CYP4F22: variants seen among roughly 807,000 people sequenced by gnomAD.
CYP4F22 encodes ultra-long-chain fatty acid omega-hydroxylase.
A neutral mutation model predicts 60.4 loss-of-function variants in CYP4F22; 37 were observed. The ratio of observed to expected loss-of-function variants is 0.61; its 90% confidence interval spans 0.47 to 0.81. The LOEUF is 0.81. Ranked by LOEUF, CYP4F22 falls within the 30% of genes least tolerant of loss-of-function variation. The pLI is 0.00. For missense variants in CYP4F22, 655 were observed against 715.0 expected, an observed-to-expected ratio of 0.92 and a Z score of 0.96; for synonymous variants, 258 against 280.5, an observed-to-expected ratio of 0.92 and a Z score of 0.80.
In CYP4F22 at chr19:15,525,576, G is replaced by A; in HGVS notation, c.222+18G>A. The A allele has an allele frequency of 1.2e-6, 2 of 1,602,552 alleles. No individual in the cohort carries two copies. Among genetic ancestry groups the A allele is most frequent in the Non-Finnish European group, 1.7e-6 (2 of 1,178,484 alleles). Reference sequence around the variant, plus strand: ...TGGGCATGGTAAGTGTGGCCAGGCAGGACTGGGCTGGGCTGGGCTGGGCAT... The same window carrying A: ...TGGGCATGGTAAGTGTGGCCAGGCAAGACTGGGCTGGGCTGGGCTGGGCAT... On this transcript the variant is annotated intron_variant, in intron 3 of 13. Coordinates refer to ENST00000269703, the MANE Select transcript of CYP4F22 (RefSeq NM_173483.4).
At chr19:15,531,204 C>T (rs1204855907) in intron 4 of CYP4F22, among the ~76,000 whole-genome samples, 3 of 152,014 alleles carry the variant, frequency 2.0e-5, no homozygotes, top group Admixed American at 2.0e-4. Flanking sequence ...TAGCAAGACC[C>T]CATCTGTACA....
intron 1 of CYP4F22, chr19:15,516,556 A>G (rs1971157022): frequency 4.0e-6 from 1 of 248,356 alleles, no homozygotes; most frequent in African/African-American, 2.3e-5. Flanking sequence ...CAGAAAGTAA[A>G]ATTGCCTTGC....
At chr19:15,548,311 G>T (rs1369395954) in intron 11 of CYP4F22, 70 bp downstream of exon 11, 2 of 1,606,044 alleles carry the variant, frequency 1.2e-6, no homozygotes, top group Middle Eastern at 1.7e-4. Flanking sequence ...TGTCCACAGG[G>T]GCCTGGCTAT....
intron 4 of CYP4F22, among the ~76,000 whole-genome samples, chr19:15,533,807 T>C (rs1453653715): frequency 6.6e-6 from 1 of 152,098 alleles, no homozygotes; most frequent in African/African-American, 2.4e-5. Context: ...TCTTGCTATG[T>C]TGTCCAGGTT....
chr19:15,529,858 G>T lies in CYP4F22; in HGVS notation c.367+5G>T. 1 of 1,613,816 alleles carries T rather than the reference G, an allele frequency of 6.2e-7. No individual in the cohort carries two copies. The highest frequency in any genetic ancestry group is 1.1e-5 in the South Asian group (1 of 91,060). ...AACCCCTTTTGGGAGCCTCAGGTAC[G>T]TGGGCTGGGCCTCCGATCTATGGTT... is the stretch of plus-strand genomic sequence containing the variant. On this transcript the variant is annotated splice_donor_5th_base_variant and intron_variant, in intron 4 of 13. Coordinates refer to ENST00000269703, the MANE Select transcript of CYP4F22 (RefSeq NM_173483.4).
chr19:15,521,555 G>A (rs1008543700), intron 1 of CYP4F22, among the ~76,000 whole-genome samples: 1 of 152,150 alleles, frequency 6.6e-6, no homozygotes, highest in African/African-American at 2.4e-5. Context: ...TAGTGATTAT[G>A]ACTTGTGCTG....
chr19:15,514,305 C>T (rs780881794), intron 1 of CYP4F22, among the ~76,000 whole-genome samples: 18 of 152,188 alleles, frequency 1.2e-4, no homozygotes, highest in Non-Finnish European at 1.9e-4. Flanking sequence ...TGATCTTTGT[C>T]GGTTAGATTA....
chr19:15,529,136 T>TTA (rs58940568), intron 3 of CYP4F22, among the ~76,000 whole-genome samples: 74,963 of 149,714 alleles, frequency 0.5, 19,618 homozygotes, highest in Middle Eastern at 0.6. Flanking sequence ...TTATTTTATT[T>TTA]TTTTTTTTTG....
rs1270031658 is a variant in CYP4F22, at chr19:15,510,956, A to ATT, written c.-109+2374_-109+2375insTT. Among the ~76,000 whole-genome samples the ATT allele has an allele frequency of 3.7e-3, 421 of 114,716 alleles. 3 individuals are homozygous for ATT. Among genetic ancestry groups the ATT allele is most frequent in the African/African-American group, 0.015 (399 of 26,310 alleles). 75.3% of individuals were successfully genotyped at this position (114,716 alleles called of 152,430 possible). ...GAATATAGGGATACCATATATATAT[A>ATT]TATATATATATTTTTTTTTTTTTTT... On this transcript the variant is annotated intron_variant, in intron 1 of 13. Transcript: ENST00000269703.
intron 10 of CYP4F22, among the ~76,000 whole-genome samples, chr19:15,547,018 G>GTTTGTTTTTTTTT (rs557172090): frequency 1.2e-5 from 1 of 82,330 alleles, no homozygotes; most frequent in Non-Finnish European, 2.1e-5. Flanking sequence ...GCCTGCACCA[G>GTTTGTTTTTTTTT]TTTTTTTTTT....
intron 10 of CYP4F22, 31 bp from the exon 11 acceptor site, chr19:15,548,077 C>G (rs538477101): frequency 6.2e-7 from 1 of 1,607,154 alleles, no homozygotes; most frequent in Non-Finnish European, 8.5e-7. Context: ...CATGGTGGCT[C>G]GGCCTCTAGT....
intron 1 of CYP4F22, among the ~76,000 whole-genome samples, chr19:15,520,909 A>G (rs1971217554): frequency 6.6e-6 from 1 of 151,978 alleles, no homozygotes; most frequent in Non-Finnish European, 1.5e-5. Context: ...CTGGGATTAC[A>G]GGTGCCCGCC....
At chr19:15,527,117 C>T (rs1226475729) in intron 3 of CYP4F22, among the ~76,000 whole-genome samples, 2 of 152,122 alleles carry the variant, frequency 1.3e-5, no homozygotes, top group African/African-American at 4.8e-5. Flanking sequence ...TACCCCTGCT[C>T]AGGCCTTACC....
At chr19:15,532,552 T>A (rs1971354766) in intron 4 of CYP4F22, among the ~76,000 whole-genome samples, 1 of 151,874 alleles carries the variant, frequency 6.6e-6, no homozygotes, top group African/African-American at 2.4e-5. Flanking sequence ...TTTTTGTATT[T>A]TTTTTTTTCA....
rs1971599018 is a variant in CYP4F22 at position 15,551,626 on chromosome 19, C to T, written c.*155C>T. ...ACCGCTGTTGAGCAGCCTGGTGGTACTGGCCACGCCCCTCAAGGCAAGGCT... is the reference window on the plus strand; with the variant it reads ...ACCGCTGTTGAGCAGCCTGGTGGTATTGGCCACGCCCCTCAAGGCAAGGCT... On this transcript the variant is annotated 3_prime_UTR_variant, in exon 14 of 14. Transcript: ENST00000269703. 1 of 937,268 alleles carries T rather than the reference C, an allele frequency of 1.1e-6. No individual in the cohort carries two copies. Among genetic ancestry groups the T allele is most frequent in the Non-Finnish European group, 1.6e-6 (1 of 640,286 alleles). 58.1% of individuals were successfully genotyped at this position (937,268 alleles called of 1,614,324 possible).
chr19:15,546,613 A>T (rs917922207), intron 10 of CYP4F22, among the ~76,000 whole-genome samples: 2 of 151,842 alleles, frequency 1.3e-5, no homozygotes, highest in Non-Finnish European at 2.9e-5. Flanking sequence ...AATTTAAAGA[A>T]ACTAATCTAA....
At chr19:15,536,554 A>G (rs1441855380) in intron 4 of CYP4F22, among the ~76,000 whole-genome samples, 1 of 152,106 alleles carries the variant, frequency 6.6e-6, no homozygotes, top group Non-Finnish European at 1.5e-5. Context: ...CATGAGGGAC[A>G]CACTGGAGAG....
At chr19:15,516,834 TC>T (rs370776256) in intron 1 of CYP4F22, 32 of 382,862 alleles carry the variant, frequency 8.4e-5, no homozygotes, top group Admixed American at 1.2e-4. Flanking sequence ...GAGATGTTAT[TC>T]TTTTTTTTTT....
At chr19:15,541,543 G>T (rs528131388) in intron 8 of CYP4F22, among the ~76,000 whole-genome samples, 2 of 151,568 alleles carry the variant, frequency 1.3e-5, no homozygotes, top group Non-Finnish European at 2.9e-5. Context: ...CGGAGGGGGG[G>T]TGGGCAGGGA....
Sources: gnomAD v4.1 joint callset for allele counts (sites outside exome capture counted in the v4.1 genomes callset) on GRCh38, gnomAD v4.1.1 for gene constraint, MANE v1.5 for transcripts, NCBI Gene and HGNC (gene_info 2026-07-23, HGNC 2026-07-21) for gene names.